Variants in PLXDC2 observed in about 807,000 individuals in gnomAD.
The protein encoded by PLXDC2 is plexin domain containing 2.
In PLXDC2, 40 loss-of-function variants were observed where a neutral mutation model predicts 68.9. The ratio of observed to expected loss-of-function variants is 0.58; its 90% CI spans 0.45 to 0.76. The LOEUF is 0.76. PLXDC2 is among the 30% of genes least tolerant of loss of function. The pLI, the probability that PLXDC2 is intolerant of heterozygous loss-of-function variation, is 0.00. For synonymous variants in PLXDC2, 243 were observed against 234.2 expected, an observed-to-expected ratio of 1.04 and a Z score of -0.34; for missense variants, 644 against 661.9, an observed-to-expected ratio of 0.97 and a Z score of 0.30.
intron 1 of PLXDC2, among the ~76,000 whole-genome samples, chr10:19,956,566 CTGAT>C (rs1350719047): frequency 1.3e-5 from 2 of 152,074 alleles, no homozygotes; most frequent in African/African-American, 4.8e-5. Context: ...TTACAAATCT[CTGAT>C]TGATAATAGA....
intron 2 of PLXDC2, among the ~76,000 whole-genome samples, chr10:20,024,954 T>C (rs951872202): frequency 6.6e-6 from 1 of 152,198 alleles, no homozygotes; most frequent in African/African-American, 2.4e-5. Flanking sequence ...ACATTTTCTT[T>C]ATCCAATCCA....
intron 1 of PLXDC2, among the ~76,000 whole-genome samples, chr10:19,988,554 C>G (rs906322591): frequency 6.6e-6 from 1 of 152,044 alleles, no homozygotes; most frequent in African/African-American, 2.4e-5. Context: ...ACCTATACCA[C>G]AGACATATTA....
chr10:19,977,794 T>A (rs556564027), intron 1 of PLXDC2, among the ~76,000 whole-genome samples: 46 of 152,234 alleles, frequency 3.0e-4, no homozygotes, highest in African/African-American at 1.1e-3. Context: ...GGGCACTAAT[T>A]CCATCATGGG....
At chr10:19,831,281 G>A (rs1484551965) in intron 1 of PLXDC2, among the ~76,000 whole-genome samples, 1 of 151,690 alleles carries the variant, frequency 6.6e-6, no homozygotes, top group Non-Finnish European at 1.5e-5. Context: ...TTGTACCTGG[G>A]TCTTATTTTT....
At chr10:20,166,033 T>A (rs547790973) in intron 7 of PLXDC2, among the ~76,000 whole-genome samples, 1 of 152,334 alleles carries the variant, frequency 6.6e-6, no homozygotes, top group South Asian at 2.1e-4. Context: ...TCATTTTTTC[T>A]CTTTTGTTCA....
At chr10:19,985,723 G>T (rs1336923241) in intron 1 of PLXDC2, among the ~76,000 whole-genome samples, 1 of 152,164 alleles carries the variant, frequency 6.6e-6, no homozygotes, top group Non-Finnish European at 1.5e-5. Flanking sequence ...GCCTGACGTG[G>T]TGAAAACATA....
intron 1 of PLXDC2, among the ~76,000 whole-genome samples, chr10:19,979,142 T>C (rs984774054): frequency 2.0e-5 from 3 of 152,166 alleles, no homozygotes; most frequent in African/African-American, 7.2e-5. Flanking sequence ...ATAAACTTCA[T>C]TTGCTATGGG....
At chr10:19,827,524 A>T (rs1836595041) in intron 1 of PLXDC2, among the ~76,000 whole-genome samples, 1 of 151,866 alleles carries the variant, frequency 6.6e-6, no homozygotes, top group Non-Finnish European at 1.5e-5. Context: ...TGGCCAGAAC[A>T]AGTACCACAG....
At chr10:19,869,489 G>A in intron 1 of PLXDC2, among the ~76,000 whole-genome samples, 1 of 119,020 alleles carries the variant, frequency 8.4e-6, no homozygotes, top group Non-Finnish European at 1.7e-5. Flanking sequence ...GGAGAGGGTG[G>A]GAGGGAGGGA....
chr10:20,098,346 C>CGTGTGTGTGTGTGTGTGTGT (rs762519549), intron 4 of PLXDC2, among the ~76,000 whole-genome samples: 21 of 103,112 alleles, frequency 2.0e-4, no homozygotes, highest in African/African-American at 5.3e-4. Flanking sequence ...CATTTTCGTG[C>CGTGTGTGTGTGTGTGTGTGT]GTGTGTGTGT....
chr10:20,002,260 C>CTTT (rs34210865), intron 2 of PLXDC2, among the ~76,000 whole-genome samples: 16 of 138,426 alleles, frequency 1.2e-4, no homozygotes, highest in Admixed American at 3.7e-4. Flanking sequence ...TGTGTAAGAG[C>CTTT]TTTTTTTTTT....
At chr10:19,929,216 A>G (rs1242971842) in intron 1 of PLXDC2, among the ~76,000 whole-genome samples, 1 of 151,810 alleles carries the variant, frequency 6.6e-6, no homozygotes, top group Non-Finnish European at 1.5e-5. Context: ...CTGCTCTACT[A>G]AAAGAAAAAA....
chr10:20,152,293 C>G (rs1036267628), intron 6 of PLXDC2, among the ~76,000 whole-genome samples: 2 of 152,064 alleles, frequency 1.3e-5, no homozygotes, highest in Non-Finnish European at 2.9e-5. Flanking sequence ...CAGATTTGCT[C>G]ATAATATTCA....
intron 1 of PLXDC2, among the ~76,000 whole-genome samples, chr10:19,987,848 G>A (rs1056025141): frequency 3.9e-5 from 6 of 152,078 alleles, no homozygotes; most frequent in African/African-American, 1.2e-4. Context: ...GATTACAGGC[G>A]TGAGCTACCG....
intron 1 of PLXDC2, among the ~76,000 whole-genome samples, chr10:19,987,876 T>A (rs1009259691): frequency 6.6e-6 from 1 of 152,112 alleles, no homozygotes; most frequent in African/African-American, 2.4e-5. Flanking sequence ...CCGATGTTAT[T>A]TGTTTTTATT....
intron 1 of PLXDC2, among the ~76,000 whole-genome samples, chr10:19,976,838 T>C (rs1834465371): frequency 6.6e-6 from 1 of 151,890 alleles, no homozygotes; most frequent in Admixed American, 6.6e-5. Context: ...TTTTTTTTCA[T>C]TTTCTTGTCC....
chr10:20,011,163 C>A (rs906900502), intron 2 of PLXDC2, among the ~76,000 whole-genome samples: 2 of 152,028 alleles, frequency 1.3e-5, no homozygotes, highest in Non-Finnish European at 2.9e-5. Flanking sequence ...TATGTCCATT[C>A]TTTATATGTT....
intron 13 of PLXDC2, among the ~76,000 whole-genome samples, chr10:20,271,702 T>A (rs1835942879): frequency 6.6e-6 from 1 of 152,110 alleles, no homozygotes; most frequent in Admixed American, 6.5e-5. Flanking sequence ...AGGCCCTCTA[T>A]GGAATGCAGG....
chr10:20,114,128 C>A (rs1396673099), intron 4 of PLXDC2, among the ~76,000 whole-genome samples: 1 of 152,138 alleles, frequency 6.6e-6, no homozygotes, highest in Admixed American at 6.5e-5. Context: ...CATGTCAAAA[C>A]AAAATAAAAT....
Sources: allele counts gnomAD v4.1 joint callset (sites outside exome capture counted in the v4.1 genomes callset), GRCh38; gene constraint gnomAD v4.1.1; transcripts MANE v1.5; gene names NCBI Gene and HGNC (gene_info 2026-07-23, HGNC 2026-07-21).